The following TANC1 variants were observed in gnomAD, a reference collection of about 807,000 sequenced individuals.
TANC1 encodes the protein protein TANC1.
TANC1 carries 77 observed loss-of-function variants against 149.7 expected under a neutral mutation model. That is an observed-to-expected ratio of 0.51 (90% CI 0.43 to 0.62). TANC1 has a LOEUF of 0.62. TANC1 is among the 20% of genes least tolerant of loss of function. The probability of loss-of-function intolerance (pLI) is 0.00; values close to 1 mark genes in which losing one functional copy is unlikely to be tolerated. For missense variants in TANC1, 1,985 were observed against 2,321.8 expected (o/e 0.85, Z 2.98); for synonymous variants, 854 against 925.0 (o/e 0.92, Z 1.39).
intron 2 of TANC1, chr2:159,060,037 A>G: frequency 3.2e-6 from 2 of 630,692 alleles, no homozygotes; most frequent in Non-Finnish European, 3.9e-6. Context: ...ACTCCCTGCT[A>G]CCACCACCAC....
intron 4 of TANC1, among the ~76,000 whole-genome samples, chr2:159,123,951 C>G (rs572277790): frequency 1.3e-5 from 2 of 152,132 alleles, no homozygotes; most frequent in Non-Finnish European, 2.9e-5. Context: ...CTGTTTTTCC[C>G]AAGTCATTTA....
intron 2 of TANC1, among the ~76,000 whole-genome samples, chr2:159,032,746 G>C (rs1400195800): frequency 6.6e-6 from 1 of 150,826 alleles, no homozygotes; most frequent in Non-Finnish European, 1.5e-5. Context: ...GGCTCTGAGG[G>C]AGAGCCTGTG....
At position 159,224,264 on chromosome 2, in the gene TANC1, C is replaced by T. The variant is rs201062715; in HGVS notation, c.3711C>T (p.Ile1237=). The part of the protein sequence containing the change: ...VLYLVEKGAV[I]EHVDHSGMRP... ...ACCTGGTGGAGAAGGGAGCCGTGAT[C>T]GAGCATGTGGACCACAGCGGGATGC... The change falls in exon 23 of 27, where the codon ATC becomes ATT. Residue 1237 remains isoleucine, a synonymous_variant. Coordinates refer to ENST00000263635, the MANE Select transcript of TANC1 (RefSeq NM_033394.3). The T allele has an allele frequency of 8.7e-6, 14 of 1,614,056 alleles. No homozygotes were observed. The highest frequency in any genetic ancestry group is 3.3e-5 in the Admixed American group (2 of 60,010).
Position 159,224,351 on chromosome 2 carries a change from G to A in TANC1, c.3798G>A (p.Lys1266=). 1.2e-6 allele frequency: 2 copies of A among 1,614,156 alleles called. No homozygotes were observed. The highest frequency in any genetic ancestry group is 1.6e-4 in the Middle Eastern group (1 of 6,062). The change falls in exon 23 of 27, where the codon AAG becomes AAA. Residue 1266 remains lysine (K), a synonymous_variant. Coordinates refer to ENST00000263635, the MANE Select transcript of TANC1 (RefSeq NM_033394.3). ...CTGTAGTGGTGGCGCTACTCAGAAA[G>A]GGAGCCAAGTTAGGTCAGTGAGCAC... is the stretch of plus-strand genomic sequence containing the variant. ...NTSVVVALLR[K]GAKLGNAAWA... is the part of the protein sequence containing the mutation.
At position 159,102,961 on chromosome 2, in the gene TANC1, G is replaced by A. The variant is rs1238205327; in HGVS notation, c.259+5127G>A. 2.4e-5 allele frequency among the ~76,000 whole-genome samples: 2 copies of A among 84,648 alleles called. 1 individual carries two copies. The allele number at this position is 84,648 out of a possible 152,430, so 55.5% of individuals were successfully genotyped here. A position where few individuals can be genotyped will look rare whatever the true frequency, so the allele number is the denominator to read the frequency against. On this transcript the variant is annotated intron_variant, in intron 4 of 26. Transcript: ENST00000263635. ...TCTCGATCTCCTGATCCCACGATCCGCCCACCTTGGCCTCCCAGAGTGCTG... is the reference window on the plus strand; with the variant it reads ...TCTCGATCTCCTGATCCCACGATCCACCCACCTTGGCCTCCCAGAGTGCTG...
rs143763614 is a variant in TANC1, at chr2:159,172,222, G to A, written c.1453G>A (p.Ala485Thr). ...TAKTPLGSIS[A>T]ENQRPREDAV... ...TAAAACACCTCTTGGGTCTATCAGTGCTGAAAACCAGAGACCAAGAGAGGA... is the reference window on the plus strand; with the variant it reads ...TAAAACACCTCTTGGGTCTATCAGTACTGAAAACCAGAGACCAAGAGAGGA... Residue 485 changes from alanine (A) to threonine (T), a missense_variant, in exon 11 of 27, where the codon GCT (alanine) becomes ACT (threonine). By Grantham distance (58) the Ala-to-Thr change is moderately conservative. This residue lies in a region of TANC1 where 557 missense variants were observed against 612.9 expected (regional missense o/e 0.91). Coordinates refer to ENST00000263635, the MANE Select transcript of TANC1 (RefSeq NM_033394.3). 4.7e-4 allele frequency: 753 copies of A among 1,614,188 alleles called. No homozygotes were observed. The highest frequency in any genetic ancestry group is 6.6e-4 in the Middle Eastern group (4 of 6,062).
At chr2:159,062,548 A>G (rs1202524131) in intron 2 of TANC1, among the ~76,000 whole-genome samples, 1 of 152,222 alleles carries the variant, frequency 6.6e-6, no homozygotes, top group Non-Finnish European at 1.5e-5. Flanking sequence ...CTGGCTGCCT[A>G]CACAGGTGGG....
intron 11 of TANC1, among the ~76,000 whole-genome samples, chr2:159,174,368 G>A (rs760250470): frequency 3.8e-4 from 58 of 152,010 alleles, no homozygotes; most frequent in Admixed American, 2.7e-3. Flanking sequence ...TGGTGATTTC[G>A]GGTTTCATTC....
chr2:159,036,555 T>A (rs543031352), intron 2 of TANC1, among the ~76,000 whole-genome samples: 1 of 151,886 alleles, frequency 6.6e-6, no homozygotes, highest in Admixed American at 6.5e-5. Flanking sequence ...TTTCCCGCCC[T>A]GTGTCCAAAT....
intron 4 of TANC1, among the ~76,000 whole-genome samples, chr2:159,135,062 C>T (rs1408280473): frequency 6.6e-6 from 1 of 152,174 alleles, no homozygotes; most frequent in African/African-American, 2.4e-5. Context: ...CATTTGGTCA[C>T]TCTAGAAAGA....
intron 13 of TANC1, among the ~76,000 whole-genome samples, 196 bp downstream of exon 13, chr2:159,176,714 G>A (rs1446375391): frequency 6.6e-6 from 1 of 152,164 alleles, no homozygotes; most frequent in Non-Finnish European, 1.5e-5. Context: ...TTATCAAGAT[G>A]TCAGGTAAGT....
intron 2 of TANC1, among the ~76,000 whole-genome samples, chr2:159,053,052 A>G (rs2041585216): frequency 6.6e-6 from 1 of 152,208 alleles, no homozygotes; most frequent in South Asian, 2.1e-4. Flanking sequence ...AAGGTTACAG[A>G]TTCATGCCTT....
intron 2 of TANC1, among the ~76,000 whole-genome samples, chr2:159,045,423 C>T (rs764332214): frequency 3.9e-5 from 6 of 152,116 alleles, no homozygotes. Context: ...CAGAGCAAGA[C>T]TGTCTCATAA....
intron 2 of TANC1, among the ~76,000 whole-genome samples, chr2:159,032,141 A>G (rs1301618604): frequency 6.6e-6 from 1 of 152,228 alleles, no homozygotes; most frequent in East Asian, 1.9e-4. Context: ...ATACAAAGGC[A>G]TAGTCCATCT....
At chr2:159,138,419 A>G (rs905289773) in intron 5 of TANC1, among the ~76,000 whole-genome samples, 2 of 152,152 alleles carry the variant, frequency 1.3e-5, no homozygotes, top group Non-Finnish European at 2.9e-5. Flanking sequence ...GACAATTAGT[A>G]TAGAATGGTA....
Position 159,163,919 on chromosome 2 carries a change from A to T in TANC1, c.946+373A>T, listed in dbSNP as rs2069034. On this transcript the variant is annotated intron_variant, in intron 8 of 26. Transcript: ENST00000263635. ...TGAGTTTGTTAATATCAGCTCGAGGATCTTCTTACCAAACTTACAAACTTA... is the reference window on the plus strand; with the variant it reads ...TGAGTTTGTTAATATCAGCTCGAGGTTCTTCTTACCAAACTTACAAACTTA... Among the ~76,000 whole-genome samples the T allele has an allele frequency of 9.9e-3, 1,504 of 152,272 alleles. 19 individuals are homozygous for T. Among genetic ancestry groups the T allele is most frequent in the African/African-American group, 0.034 (1,407 of 41,550 alleles).
rs572834232 is a variant in TANC1 at position 159,028,544 on chromosome 2, G to T, written c.-16+27355G>T. On this transcript the variant is annotated intron_variant, in intron 2 of 26. Coordinates refer to ENST00000263635, the MANE Select transcript of TANC1 (RefSeq NM_033394.3). ...TATCCTCATATTTTAAAAAATTGTG[G>T]TTACAAAACAAAACACATGAGATCT... Among the ~76,000 whole-genome samples, 5 of 152,240 alleles carry T rather than the reference G, an allele frequency of 3.3e-5. No homozygotes were observed. In the South Asian group the frequency reaches 1.0e-3, roughly 32 times the overall value.
intron 2 of TANC1, among the ~76,000 whole-genome samples, chr2:159,034,871 C>T (rs928860361): frequency 1.8e-4 from 27 of 152,358 alleles, no homozygotes; most frequent in African/African-American, 4.8e-4. Context: ...AACTCACCGA[C>T]GCTGGCTTTG....
chr2:159,110,138 G>T (rs2047579856), intron 4 of TANC1, among the ~76,000 whole-genome samples: 1 of 152,206 alleles, frequency 6.6e-6, no homozygotes, highest in Non-Finnish European at 1.5e-5. Context: ...AACAGAAAAT[G>T]AGTTCCATTT....
Sources: gnomAD v4.1 joint callset for allele counts (sites outside exome capture counted in the v4.1 genomes callset) on GRCh38, gnomAD v4.1.1 for gene constraint, gnomAD v4.1.1 regional missense constraint, MANE v1.5 for transcripts, NCBI Gene and HGNC (gene_info 2026-07-23, HGNC 2026-07-21) for gene names.